Variants in ARL10 observed in about 807,000 individuals in gnomAD.
ARL10 encodes the protein ADP-ribosylation factor-like protein 10.
In ARL10, 23 loss-of-function variants were observed where a neutral mutation model predicts 26.1. That is an observed-to-expected ratio of 0.88 (90% CI 0.63 to 1.25). The LOEUF is 1.25. Among genes scored for constraint, ARL10 ranks in the 50% most tolerant of loss-of-function variants. ARL10 has a pLI of 0.00. For synonymous variants in ARL10, 138 were observed against 149.1 expected (o/e 0.93, Z 0.54); for missense variants, 300 against 323.6 (o/e 0.93, Z 0.56).
chr5:176,367,174 A>T (rs1227681638), intron 2 of ARL10, among the ~76,000 whole-genome samples: 2 of 151,778 alleles, frequency 1.3e-5, no homozygotes, highest in Non-Finnish European at 2.9e-5. Context: ...CGCCCGGCTA[A>T]TTTTTGTATT....
the ARL10 span, among the ~76,000 whole-genome samples, chr5:176,414,325 G>T: frequency 0.067 from 10,137 of 152,206 alleles, 492 homozygotes; most frequent in Non-Finnish European, 0.092. Context: ...GGTGCTGGAA[G>T]CTTCCACTTC....
downstream of ARL10, among the ~76,000 whole-genome samples, chr5:176,383,772 C>T (rs1315607961): frequency 6.6e-6 from 1 of 152,154 alleles, no homozygotes. Flanking sequence ...AACTGCTGTG[C>T]GGGAAATGGG....
intron 1 of ARL10, chr5:176,397,998 C>T: frequency 6.2e-7 from 1 of 1,614,148 alleles, no homozygotes; most frequent in Non-Finnish European, 8.5e-7. Flanking sequence ...CTGGGTCAGC[C>T]TGTCAGCCTG....
the ARL10 span, among the ~76,000 whole-genome samples, chr5:176,414,979 T>C: frequency 1.3e-5 from 2 of 152,248 alleles, no homozygotes; most frequent in South Asian, 4.1e-4. Context: ...TATGTCTATA[T>C]GTATATATGT....
At chr5:176,394,291 T>C (rs1756389739) in intron 1 of ARL10, among the ~76,000 whole-genome samples, 2 of 152,204 alleles carry the variant, frequency 1.3e-5, no homozygotes, top group African/African-American at 4.8e-5. Flanking sequence ...ACAGAGCCTG[T>C]CAGAAATGCA....
chr5:176,397,291 GTCATGTCCCCACAGCCCCTC>G (rs1318489945), intron 1 of ARL10, among the ~76,000 whole-genome samples: 1 of 151,626 alleles, frequency 6.6e-6, no homozygotes, highest in East Asian at 1.9e-4. Context: ...GCAGTGTTCA[GTCATGTCCCCACAGCCCCTC>G]TCATGTCCCC....
chr5:176,385,298 T>C (rs1755752308), downstream of ARL10: 1 of 1,612,126 alleles, frequency 6.2e-7, no homozygotes, highest in Non-Finnish European at 8.5e-7. Context: ...TTTCCTTTCT[T>C]TTCTGGAAGG....
downstream of ARL10, chr5:176,406,420 C>A (rs1043321040): frequency 4.3e-6 from 5 of 1,161,300 alleles, no homozygotes; most frequent in Non-Finnish European, 5.4e-6. Flanking sequence ...GCGTGTGCTG[C>A]GACTCCAGGG....
At chr5:176,366,130 A>T (rs537605149) in intron 1 of ARL10, among the ~76,000 whole-genome samples, 1 of 152,144 alleles carries the variant, frequency 6.6e-6, no homozygotes, top group Non-Finnish European at 1.5e-5. Context: ...GAGAAACCCC[A>T]TCCCCTCCCG....
exon 2 of ARL10, chr5:176,388,363 T>A: frequency 1.2e-6 from 2 of 1,613,262 alleles, no homozygotes; most frequent in Non-Finnish European, 1.7e-6. Flanking sequence ...AAGAGAGACA[T>A]CGCGGATCCG....
At chr5:176,401,387 C>T (rs1444221731) in intron 1 of ARL10, among the ~76,000 whole-genome samples, 2 of 152,246 alleles carry the variant, frequency 1.3e-5, no homozygotes, top group African/African-American at 4.8e-5. Context: ...CTGACCACCA[C>T]CCAATCCCCA....
In ARL10 at chr5:176,372,985, T is replaced by G; in HGVS notation, c.*1090T>G. On this transcript the variant is annotated 3_prime_UTR_variant, in exon 4 of 4. Transcript: ENST00000310389. Reference sequence around the variant, plus strand: ...GTGGGTTCCTCCTCCCACCTGGCTTTGAGGCTGTCGTCGATATCATAGTAC... The same window carrying G: ...GTGGGTTCCTCCTCCCACCTGGCTTGGAGGCTGTCGTCGATATCATAGTAC... 5.0e-6 allele frequency: 2 copies of G among 398,644 alleles called. No individual in the cohort carries two copies. Among genetic ancestry groups the G allele is most frequent in the Non-Finnish European group, 8.8e-6 (2 of 226,068 alleles). 24.7% of individuals were successfully genotyped at this position (398,644 alleles called of 1,614,324 possible).
downstream of ARL10, among the ~76,000 whole-genome samples, chr5:176,393,209 C>T (rs1756335664): frequency 6.6e-6 from 1 of 152,160 alleles, no homozygotes; most frequent in Non-Finnish European, 1.5e-5. This position sits in a 1 kb window ranked among gnomAD's most constrained non-coding sequence, Gnocchi z 4.4. Context: ...TCATTCAGGT[C>T]TCAGTGCGGG....
downstream of ARL10, among the ~76,000 whole-genome samples, chr5:176,404,660 C>T (rs1355509167): frequency 2.6e-5 from 4 of 152,226 alleles, no homozygotes; most frequent in Non-Finnish European, 4.4e-5. Context: ...CACATCTCCG[C>T]CACCTGCCAC....
At chr5:176,366,643 C>G in intron 2 of ARL10, 62 bp downstream of exon 2, 1 of 1,575,604 alleles carries the variant, frequency 6.3e-7, no homozygotes, top group East Asian at 2.3e-5. Context: ...GGATTCTCTG[C>G]AGGGAAGGGG....
At chr5:176,389,063 G>C, downstream of ARL10, 2 of 1,514,236 alleles carry the variant, frequency 1.3e-6, no homozygotes, top group South Asian at 1.2e-5. Context: ...AGCGGGGAGC[G>C]GAAGGAGAGC....
the ARL10 span, among the ~76,000 whole-genome samples, chr5:176,411,902 C>T: frequency 3.9e-5 from 6 of 152,044 alleles, no homozygotes; most frequent in Non-Finnish European, 7.4e-5. Flanking sequence ...TTGGGCCGGG[C>T]GTGGTGGCTT....
In ARL10 at chr5:176,375,211, T is replaced by TCCACCCAA. The variant is rs1768659194; in HGVS notation, c.*3323_*3324insACCACCCA. ...ACCCATCCATCCATCCATCCACTCA[T>TCCACCCAA]CCACCCATCCACCCATCCATCCATC... On this transcript the variant is annotated 3_prime_UTR_variant, in exon 4 of 4. Coordinates refer to ENST00000310389, the MANE Select transcript of ARL10 (RefSeq NM_173664.6). The TCCACCCAA allele has an allele frequency of 1.1e-5, 1 of 91,018 alleles. No homozygotes were observed. Among genetic ancestry groups the TCCACCCAA allele is most frequent in the Non-Finnish European group, 2.2e-5 (1 of 46,072 alleles). The allele number at this position is 91,018 out of a possible 1,614,324, so 5.6% of individuals were successfully genotyped here.
At chr5:176,413,581 AC>A in the ARL10 span, among the ~76,000 whole-genome samples, 1 of 152,182 alleles carries the variant, frequency 6.6e-6, no homozygotes, top group South Asian at 2.1e-4. Context: ...TAATCTGAGG[AC>A]CCCAACATCT....
Sources: gnomAD v4.1 joint callset for allele counts (sites outside exome capture counted in the v4.1 genomes callset) on GRCh38, gnomAD v4.1.1 for gene constraint, Gnocchi (gnomAD v3.1) non-coding constraint, MANE v1.5 for transcripts, NCBI Gene and HGNC (gene_info 2026-07-23, HGNC 2026-07-21) for gene names.